FANCC: variants seen among roughly 807,000 people sequenced by gnomAD.
The protein encoded by FANCC is Fanconi anemia group C protein.
Under a neutral mutation model 71.3 loss-of-function variants are expected in FANCC, and 55 were observed. The ratio of observed to expected loss-of-function variants is 0.77; its 90% CI spans 0.62 to 0.97. FANCC has a LOEUF of 0.97. Among genes scored for constraint, FANCC ranks in the 50% least tolerant of loss-of-function variants. FANCC has a pLI of 0.00. For missense variants in FANCC, 678 were observed against 670.9 expected, an observed-to-expected ratio of 1.01 and a Z score of -0.12; for synonymous variants, 275 against 244.9, an observed-to-expected ratio of 1.12 and a Z score of -1.15.
chr9:95,310,037 T>C (rs2136412393), intron 1 of FANCC, among the ~76,000 whole-genome samples: 1 of 152,092 alleles, frequency 6.6e-6, no homozygotes, highest in Admixed American at 6.5e-5. Context: ...AAGCATTAAA[T>C]GCCCCTGCTG....
At chr9:95,299,962 T>C (rs1834618978) in intron 1 of FANCC, among the ~76,000 whole-genome samples, 1 of 152,192 alleles carries the variant, frequency 6.6e-6, no homozygotes. Flanking sequence ...ACTGGCAATG[T>C]ATGTGTCATG....
At chr9:95,238,017 T>C (rs1453097986) in intron 4 of FANCC, among the ~76,000 whole-genome samples, 1 of 152,232 alleles carries the variant, frequency 6.6e-6, no homozygotes, top group Non-Finnish European at 1.5e-5. Context: ...TTATTCCTAC[T>C]GGACAGCACT....
chr9:95,117,461 C>CTT (rs1225429028), intron 10 of FANCC, 71 bp from the exon 11 acceptor site: 2 of 1,269,444 alleles, frequency 1.6e-6, no homozygotes, highest in African/African-American at 1.5e-5. Flanking sequence ...ATACAAAACT[C>CTT]TGAGTCCTCT....
intron 10 of FANCC, among the ~76,000 whole-genome samples, chr9:95,120,840 A>G (rs1243038470): frequency 2.0e-5 from 3 of 152,148 alleles, no homozygotes; most frequent in African/African-American, 7.2e-5. Context: ...GTTTAGGTCT[A>G]TCTTTTGACA....
intron 4 of FANCC, among the ~76,000 whole-genome samples, chr9:95,190,373 C>T (rs356673): frequency 6.6e-6 from 1 of 152,048 alleles, no homozygotes; most frequent in African/African-American, 2.4e-5. Flanking sequence ...GAAAAAAGTT[C>T]TCCTTGATCC....
At chr9:95,149,864 C>A (rs758521496) in intron 7 of FANCC, 59 bp downstream of exon 7, 204 of 1,537,496 alleles carry the variant, frequency 1.3e-4, no homozygotes, top group Admixed American at 3.3e-4. Flanking sequence ...TCCAACACAC[C>A]ACAGCCTTCT....
chr9:95,295,199 A>C (rs1418562421), intron 1 of FANCC, among the ~76,000 whole-genome samples: 1 of 152,204 alleles, frequency 6.6e-6, no homozygotes, highest in East Asian at 1.9e-4. Flanking sequence ...CTAAAAATCC[A>C]TCAAACTAAA....
intron 7 of FANCC, among the ~76,000 whole-genome samples, chr9:95,143,554 G>T (rs1829078433): frequency 6.6e-6 from 1 of 152,156 alleles, no homozygotes; most frequent in Non-Finnish European, 1.5e-5. Context: ...AAGGGTTTTA[G>T]GAGCCTGGAT....
intron 4 of FANCC, among the ~76,000 whole-genome samples, chr9:95,218,902 C>A (rs1355360936): frequency 1.3e-5 from 2 of 152,150 alleles, no homozygotes; most frequent in African/African-American, 4.8e-5. Flanking sequence ...AGCAACCAAG[C>A]AAACACCCAA....
intron 4 of FANCC, among the ~76,000 whole-genome samples, 170 bp from the exon 5 acceptor site, chr9:95,172,317 A>G (rs1825739942): frequency 6.6e-6 from 1 of 152,256 alleles, no homozygotes; most frequent in Admixed American, 6.5e-5. Flanking sequence ...GAGAAATGTT[A>G]GCATTAAAGT....
intron 14 of FANCC, among the ~76,000 whole-genome samples, chr9:95,103,620 C>T (rs2134406235): frequency 6.6e-6 from 1 of 152,304 alleles, no homozygotes; most frequent in African/African-American, 2.4e-5. Flanking sequence ...TGGCGAGAGG[C>T]CAGGAGCCAG....
intron 6 of FANCC, among the ~76,000 whole-genome samples, chr9:95,161,652 A>T (rs1427047317): frequency 6.6e-6 from 1 of 152,172 alleles, no homozygotes; most frequent in Non-Finnish European, 1.5e-5. Flanking sequence ...TTAACATACA[A>T]TTTACCATTT....
At chr9:95,182,667 C>G (rs1826449774) in intron 4 of FANCC, among the ~76,000 whole-genome samples, 1 of 152,052 alleles carries the variant, frequency 6.6e-6, no homozygotes, top group Non-Finnish European at 1.5e-5. Context: ...GTGGGAATAG[C>G]CATCACGTGA....
intron 7 of FANCC, among the ~76,000 whole-genome samples, chr9:95,148,607 A>T (rs1829876224): frequency 6.6e-6 from 1 of 152,240 alleles, no homozygotes; most frequent in Admixed American, 6.5e-5. Context: ...TGGTGGCAGT[A>T]ATGACTATAG....
At chr9:95,262,668 A>G (rs1451241720) in intron 1 of FANCC, among the ~76,000 whole-genome samples, 1 of 152,252 alleles carries the variant, frequency 6.6e-6, no homozygotes, top group Non-Finnish European at 1.5e-5. Flanking sequence ...AGATATTTGT[A>G]CACCCAATTT....
chr9:95,204,529 T>A (rs979960038), intron 4 of FANCC, among the ~76,000 whole-genome samples: 4 of 152,284 alleles, frequency 2.6e-5, no homozygotes, highest in African/African-American at 9.6e-5. Context: ...TTGGCCTTGG[T>A]GTCTTAATGC....
intron 7 of FANCC, among the ~76,000 whole-genome samples, chr9:95,138,792 C>CGACCCATCCTGCTTAGCATAGTCACTCAA (rs1828124807): frequency 5.3e-5 from 8 of 152,184 alleles, no homozygotes; most frequent in Admixed American, 5.2e-4. Flanking sequence ...AATGAAGAAC[C>CGACCCATCCTGCTTAGCATAGTCACTCAA]GACCCATCCT....
intron 1 of FANCC, among the ~76,000 whole-genome samples, chr9:95,315,823 G>C (rs1477537860): frequency 6.6e-6 from 1 of 152,168 alleles, no homozygotes; most frequent in Non-Finnish European, 1.5e-5. Context: ...GGCCAGGCTG[G>C]CCTCCCTGTA....
intron 13 of FANCC, chr9:95,110,957 TC>T: frequency 7.2e-7 from 1 of 1,392,818 alleles, no homozygotes; most frequent in East Asian, 2.6e-5. Flanking sequence ...GTTAATATCA[TC>T]TGATTACTTT....
Sources: gnomAD v4.1 joint callset for allele counts (sites outside exome capture counted in the v4.1 genomes callset) on GRCh38, gnomAD v4.1.1 for gene constraint, MANE v1.5 for transcripts, NCBI Gene and HGNC (gene_info 2026-07-23, HGNC 2026-07-21) for gene names.